Variants in MSH3 observed in about 807,000 individuals in gnomAD.
The protein encoded by MSH3 is mutS homolog 3.
MSH3 carries 106 observed loss-of-function variants against 123.3 expected under a neutral mutation model. That is an observed-to-expected ratio of 0.86 (90% CI 0.73 to 1.01). MSH3 has a LOEUF of 1.01. MSH3 is among the 50% of genes least tolerant of loss of function. The pLI, the probability that MSH3 is intolerant of heterozygous loss-of-function variation, is 0.00. For synonymous variants in MSH3, 515 were observed against 481.4 expected (o/e 1.07, Z -0.91); for missense variants, 1,459 against 1,347.6 (o/e 1.08, Z -1.29).
At chr5:80,676,252 A>G (rs980525152) in intron 7 of MSH3, among the ~76,000 whole-genome samples, 2 of 152,134 alleles carry the variant, frequency 1.3e-5, no homozygotes, top group African/African-American at 2.4e-5. Flanking sequence ...GCTGGTCTTG[A>G]ACTCCTGACC....
At position 80,843,372 on chromosome 5, in the gene MSH3, T is replaced by G. The variant is rs1196000099; in HGVS notation, c.2814-10758T>G. Among the ~76,000 whole-genome samples, 5 of 152,310 alleles carry G rather than the reference T, an allele frequency of 3.3e-5. No homozygotes were observed. The East Asian group carries it at 9.7e-4, about 29-fold the overall frequency. The stretch of plus-strand genomic sequence containing the variant: ...ATATTGGTCTAAAATTCTCTTTTTT[T>G]GTTGTGTCTCTGCCAGGTTTTGGTA... On this transcript the variant is annotated intron_variant, in intron 20 of 23. Transcript: ENST00000265081.
At chr5:80,711,644 CTTTTTTTCTTCT>C (rs1298831655) in intron 8 of MSH3, among the ~76,000 whole-genome samples, 5 of 151,990 alleles carry the variant, frequency 3.3e-5, no homozygotes, top group African/African-American at 1.2e-4. Context: ...AGCACATTTT[CTTTTTTTCTTCT>C]TTTTTTTCTT....
In MSH3 at chr5:80,657,021, C is replaced by T. The variant is rs752560361; in HGVS notation, c.358+490C>T. On this transcript the variant is annotated intron_variant, in intron 2 of 23. Coordinates refer to ENST00000265081, the MANE Select transcript of MSH3 (RefSeq NM_002439.5). Reference sequence around the variant, plus strand: ...TTATATTATATTCTATACTAATTTGCTACTATCTTTTTCTACTTAATAGAA... The same window carrying T: ...TTATATTATATTCTATACTAATTTGTTACTATCTTTTTCTACTTAATAGAA... Among the ~76,000 whole-genome samples the T allele has an allele frequency of 2.6e-5, 4 of 152,208 alleles. 1 individual carries two copies. The South Asian group carries it at 8.3e-4, about 32-fold the overall frequency.
At chr5:80,763,549 A>G (rs920202384) in intron 13 of MSH3, among the ~76,000 whole-genome samples, 5 of 152,220 alleles carry the variant, frequency 3.3e-5, no homozygotes, top group Non-Finnish European at 7.3e-5. Flanking sequence ...CTGAAAATTG[A>G]TGCATATTAA....
chr5:80,693,593 AT>A, intron 8 of MSH3, among the ~76,000 whole-genome samples: 2 of 109,686 alleles, frequency 1.8e-5, no homozygotes, highest in South Asian at 2.5e-4. Flanking sequence ...ATATAAATAT[AT>A]ATAAACATAC....
At chr5:80,733,996 T>C (rs1008003735) in intron 10 of MSH3, among the ~76,000 whole-genome samples, 9 of 152,176 alleles carry the variant, frequency 5.9e-5, no homozygotes, top group African/African-American at 1.2e-4. Flanking sequence ...TAAAAACTTA[T>C]ACAAATGTTC....
At chr5:80,658,221 G>T (rs966823488) in intron 2 of MSH3, among the ~76,000 whole-genome samples, 1 of 150,756 alleles carries the variant, frequency 6.6e-6, no homozygotes, top group Non-Finnish European at 1.5e-5. Context: ...ACCACACCTG[G>T]CTAATTTTTG....
At chr5:80,748,023 C>T (rs2112871239) in intron 12 of MSH3, among the ~76,000 whole-genome samples, 1 of 152,222 alleles carries the variant, frequency 6.6e-6, no homozygotes, top group East Asian at 1.9e-4. Flanking sequence ...CTCATCCAGA[C>T]AAATATTCTG....
chr5:80,671,189 G>T (rs1361197089), intron 4 of MSH3, among the ~76,000 whole-genome samples: 1 of 152,102 alleles, frequency 6.6e-6, no homozygotes, highest in Admixed American at 6.5e-5. Context: ...AGTCAAGAAG[G>T]TTGAAAGTGA....
In MSH3 at chr5:80,670,110, T is replaced by C. The variant is rs766194502; in HGVS notation, c.593T>C (p.Phe198Ser). 1 of 1,614,148 alleles carries C rather than the reference T, an allele frequency of 6.2e-7. No individual in the cohort carries two copies. Among genetic ancestry groups the C allele is most frequent in the Non-Finnish European group, 8.5e-7 (1 of 1,179,996 alleles). Residue 198 changes from phenylalanine to serine, a missense_variant, in exon 4 of 24, where the codon TTT becomes TCT. By Grantham distance (155) the Phe-to-Ser change is radical. Transcript: ENST00000265081. ...TTTGGTTGCCAGGACACAACACTTT[T>C]TGATCTCAGTCAGTTTGGATCATCA... ...RQINQKDTTL[F>S]DLSQFGSSNT... is the part of the protein sequence containing the mutation.
At chr5:80,807,738 C>T (rs999478806) in intron 19 of MSH3, among the ~76,000 whole-genome samples, 1 of 152,238 alleles carries the variant, frequency 6.6e-6, no homozygotes, top group East Asian at 1.9e-4. Context: ...CCTATCCTGG[C>T]AGTGCAGGGC....
Position 80,753,106 on chromosome 5 carries a change from T to C in MSH3, c.1764-8440T>C, listed in dbSNP as rs141246041. ...AAAATACACACACATGAATTTTTTATAATGTACTGCTATTTGACCTTCACT... is the reference window on the plus strand; with the variant it reads ...AAAATACACACACATGAATTTTTTACAATGTACTGCTATTTGACCTTCACT... On this transcript the variant is annotated intron_variant, in intron 12 of 23. Coordinates refer to ENST00000265081, the MANE Select transcript of MSH3 (RefSeq NM_002439.5). Among the ~76,000 whole-genome samples the C allele has an allele frequency of 3.0e-3, 451 of 152,322 alleles. 5 individuals are homozygous for C. Among genetic ancestry groups the C allele is most frequent in the African/African-American group, 0.01 (430 of 41,584 alleles).
Position 80,787,465 on chromosome 5 carries a change from A to G in MSH3, c.2436-100A>G, listed in dbSNP as rs1435027823. 3.7e-6 allele frequency: 3 copies of G among 801,904 alleles called. No homozygotes were observed. The African/African-American group carries it at 5.1e-5, about 14-fold the overall frequency. 49.7% of individuals were successfully genotyped at this position (801,904 alleles called of 1,614,324 possible). On this transcript the variant is annotated intron_variant, in intron 17 of 23. Coordinates refer to ENST00000265081, the MANE Select transcript of MSH3 (RefSeq NM_002439.5). ...TTAGGAATGCCTGCTGATCATCTGT[A>G]TGCTTACACTAGCTGATAAAGTGAT... is the stretch of plus-strand genomic sequence containing the variant.
intron 1 of MSH3, 35 bp downstream of exon 1, chr5:80,654,999 G>C: frequency 7.8e-7 from 1 of 1,287,802 alleles, no homozygotes; most frequent in Non-Finnish European, 1.0e-6. Flanking sequence ...GGGCCATCGG[G>C]GCTGGGGGGG....
chr5:80,687,632 G>C (rs1026686460), intron 8 of MSH3, among the ~76,000 whole-genome samples: 2 of 152,130 alleles, frequency 1.3e-5, no homozygotes, highest in Non-Finnish European at 2.9e-5. Context: ...GAGGCACACA[G>C]GCTGGAAATA....
intron 19 of MSH3, among the ~76,000 whole-genome samples, chr5:80,807,896 C>T (rs1744921126): frequency 6.6e-6 from 1 of 152,204 alleles, no homozygotes; most frequent in Non-Finnish European, 1.5e-5. Flanking sequence ...CAGAGAAAAT[C>T]CACACAGGCA....
At chr5:80,707,872 T>C (rs542885867) in intron 8 of MSH3, among the ~76,000 whole-genome samples, 17 of 152,360 alleles carry the variant, frequency 1.1e-4, no homozygotes, top group Middle Eastern at 3.4e-3. Context: ...TTAGCTATTA[T>C]AGTTAGTGTA....
At chr5:80,773,852 C>G (rs2112888765) in intron 15 of MSH3, among the ~76,000 whole-genome samples, 1 of 152,312 alleles carries the variant, frequency 6.6e-6, no homozygotes, top group East Asian at 1.9e-4. Flanking sequence ...ACTGCAACCT[C>G]CACCTCCTGG....
At chr5:80,860,489 T>C (rs747191953) in intron 21 of MSH3, among the ~76,000 whole-genome samples, 10 of 150,500 alleles carry the variant, frequency 6.6e-5, no homozygotes, top group Non-Finnish European at 1.3e-4. Context: ...TTTACTCCAC[T>C]CTTTTCTTGC....
Sources: gnomAD v4.1 joint callset for allele counts (sites outside exome capture counted in the v4.1 genomes callset) on GRCh38, gnomAD v4.1.1 for gene constraint, MANE v1.5 for transcripts, NCBI Gene and HGNC (gene_info 2026-07-23, HGNC 2026-07-21) for gene names.